SOX5: variants seen among roughly 807,000 people sequenced by gnomAD.
SOX5 encodes the protein SRY-box transcription factor 5, also known as transcription factor SOX-5.
Under a neutral mutation model 92.0 loss-of-function variants are expected in SOX5, and 9 were observed. The ratio of observed to expected loss-of-function variants is 0.10; its 90% CI spans 0.06 to 0.17. The LOEUF (loss-of-function observed/expected upper bound fraction) is 0.17, where lower values mean the gene tolerates loss of function less well. SOX5 is among the 10% of genes least tolerant of loss of function. The pLI is 1.00. For synonymous variants in SOX5, 344 were observed against 336.3 expected (o/e 1.02, Z -0.25); for missense variants, 642 against 944.5 (o/e 0.68, Z 4.20).
intron 4 of SOX5, among the ~76,000 whole-genome samples, chr12:24,044,887 G>T (rs550838650): frequency 6.6e-6 from 1 of 152,172 alleles, no homozygotes; most frequent in South Asian, 2.1e-4. Flanking sequence ...TCTTAGAAGA[G>T]CCTTGGACAA....
chr12:24,108,852 G>A (rs1190572793), intron 4 of SOX5, among the ~76,000 whole-genome samples: 4 of 152,130 alleles, frequency 2.6e-5, no homozygotes, highest in African/African-American at 9.6e-5. Context: ...GTACAATGAA[G>A]TGAAAGTAAT....
intron 4 of SOX5, among the ~76,000 whole-genome samples, chr12:24,097,931 C>A (rs1335114412): frequency 6.6e-6 from 1 of 152,050 alleles, no homozygotes; most frequent in Non-Finnish European, 1.5e-5. Flanking sequence ...ACTTAATTAT[C>A]CTCACTGTTA....
rs534906340 is a variant in SOX5, at chr12:24,186,537, G to GAATAGAAAGCAGAA, written c.-2+26792_-2+26805dup. 3.9e-3 allele frequency among the ~76,000 whole-genome samples: 592 copies of GAATAGAAAGCAGAA among 152,160 alleles called. 3 individuals are homozygous for GAATAGAAAGCAGAA. The highest frequency in any genetic ancestry group is 0.013 in the African/African-American group (551 of 41,528). On this transcript the variant is annotated intron_variant, in intron 4 of 4. Transcript: ENST00000446891. ...ATAATAACTCCAGGAATGGCAATGG[G>GAATAGAAAGCAGAA]AATAGAAAGCAGAAAATAGAAAGCA...
intron 4 of SOX5, among the ~76,000 whole-genome samples, chr12:23,990,431 G>A (rs886212758): frequency 2.6e-5 from 4 of 151,940 alleles, no homozygotes; most frequent in Admixed American, 2.6e-4. Flanking sequence ...TAACTCCCTC[G>A]CAATACAATT....
intron 4 of SOX5, among the ~76,000 whole-genome samples, chr12:24,050,988 TG>T (rs1055036800): frequency 1.3e-5 from 2 of 152,132 alleles, no homozygotes; most frequent in African/African-American, 4.8e-5. Flanking sequence ...TCTCTTTTTT[TG>T]TCATAAATTC....
intron 2 of SOX5, among the ~76,000 whole-genome samples, chr12:24,363,001 A>G (rs1955763654): frequency 6.6e-6 from 1 of 152,082 alleles, no homozygotes; most frequent in African/African-American, 2.4e-5. Flanking sequence ...ATACGTAAAA[A>G]CATGTAATCA....
chr12:23,698,242 T>A (rs1176689719), intron 6 of SOX5, among the ~76,000 whole-genome samples: 1 of 152,110 alleles, frequency 6.6e-6, no homozygotes, highest in Non-Finnish European at 1.5e-5. Context: ...TTCTTCTGTT[T>A]AGGGTTCTTT....
intron 1 of SOX5, among the ~76,000 whole-genome samples, chr12:24,507,902 T>C (rs1948953326): frequency 6.6e-6 from 1 of 152,182 alleles, no homozygotes; most frequent in Non-Finnish European, 1.5e-5. Flanking sequence ...TTCCATAATT[T>C]TTTTTTTAGT....
intron 4 of SOX5, among the ~76,000 whole-genome samples, chr12:24,067,130 T>G (rs1336803279): frequency 6.6e-6 from 1 of 152,208 alleles, no homozygotes; most frequent in African/African-American, 2.4e-5. Context: ...GCAGAGAAAC[T>G]TGTATTGCTG....
intron 6 of SOX5, among the ~76,000 whole-genome samples, chr12:23,689,784 G>T (rs116938335): frequency 2.4e-3 from 358 of 152,246 alleles, no homozygotes; most frequent in Non-Finnish European, 4.1e-3. Context: ...AGAGAATAAG[G>T]AATGAAGGAT....
intron 6 of SOX5, among the ~76,000 whole-genome samples, chr12:23,730,691 G>T (rs1015532680): frequency 5.3e-5 from 8 of 152,110 alleles, no homozygotes; most frequent in African/African-American, 1.9e-4. Context: ...AGTTCATAAA[G>T]AACTGATCCT....
At chr12:23,644,465 A>T (rs1373373410) in intron 7 of SOX5, among the ~76,000 whole-genome samples, 4 of 152,220 alleles carry the variant, frequency 2.6e-5, no homozygotes, top group Non-Finnish European at 5.9e-5. Flanking sequence ...TCTGAATCAG[A>T]ATTTAAATTT....
chr12:24,539,916 T>C (rs1951967042), intron 1 of SOX5, among the ~76,000 whole-genome samples: 1 of 152,106 alleles, frequency 6.6e-6, no homozygotes, highest in African/African-American at 2.4e-5. Flanking sequence ...TGTAACCATA[T>C]GCGTTCTTTA....
intron 3 of SOX5, among the ~76,000 whole-genome samples, chr12:23,812,492 C>T (rs1238856187): frequency 6.6e-6 from 1 of 150,766 alleles, no homozygotes; most frequent in Non-Finnish European, 1.5e-5. Flanking sequence ...CGGAAAGAAA[C>T]ATTTATACTT....
At chr12:23,612,762 T>C (rs1303001970) in intron 8 of SOX5, among the ~76,000 whole-genome samples, 1 of 152,218 alleles carries the variant, frequency 6.6e-6, no homozygotes, top group Admixed American at 6.5e-5. Context: ...AAAGTATTTG[T>C]TTATTTCTTC....
At chr12:23,893,640 A>G (rs569082490) in intron 2 of SOX5, among the ~76,000 whole-genome samples, 238 of 152,274 alleles carry the variant, frequency 1.6e-3, no homozygotes, top group Non-Finnish European at 2.8e-3. Context: ...CTGCAAATGT[A>G]TATGTTTGTA....
At chr12:24,490,783 T>C (rs541132364) in intron 1 of SOX5, among the ~76,000 whole-genome samples, 1 of 152,314 alleles carries the variant, frequency 6.6e-6, no homozygotes, top group East Asian at 1.9e-4. Context: ...TTCCTTGTTA[T>C]TGTCTATTGC....
chr12:23,846,017 C>T lies in SOX5; in HGVS notation c.447G>A (p.Arg149=). Residue 149 remains arginine (R), a synonymous_variant, in exon 3 of 15, where the codon AGG becomes AGA. Coordinates refer to ENST00000451604, the MANE Select transcript of SOX5 (RefSeq NM_006940.6). ...LADVVDTLKQ[R]KMEELIKNEP... is the part of the protein sequence containing the mutation. ...CGTTTTTGATGAGCTCTTCCATTTT[C>T]CTCTGCTTCAAGGTGTCAACAACAT... 6.2e-7 allele frequency: 1 copy of T among 1,614,128 alleles called. No homozygotes were observed. Among genetic ancestry groups the T allele is most frequent in the East Asian group, 2.2e-5 (1 of 44,880 alleles).
intron 1 of SOX5, among the ~76,000 whole-genome samples, chr12:24,503,995 G>T (rs975213300): frequency 6.6e-6 from 1 of 151,912 alleles, no homozygotes; most frequent in African/African-American, 2.4e-5. Context: ...AACACATTTT[G>T]AGTTTCTCAG....
Sources: gnomAD v4.1 joint callset for allele counts (sites outside exome capture counted in the v4.1 genomes callset) on GRCh38, gnomAD v4.1.1 for gene constraint, MANE v1.5 for transcripts, NCBI Gene and HGNC (gene_info 2026-07-23, HGNC 2026-07-21) for gene names.